The following SNRPA1 variants were observed in gnomAD, a reference collection of about 807,000 sequenced individuals.
SNRPA1 encodes the protein small nuclear ribonucleoprotein polypeptide A', also known as U2 small nuclear ribonucleoprotein A'.
SNRPA1 carries 5 observed loss-of-function variants against 32.3 expected under a neutral mutation model. That is an observed-to-expected ratio of 0.15 (90% confidence interval 0.08 to 0.33). The LOEUF (loss-of-function observed/expected upper bound fraction) is 0.33. Ranked by LOEUF, SNRPA1 falls within the 10% of genes least tolerant of loss-of-function variation. The pLI is 1.00. For missense variants in SNRPA1, 198 were observed against 311.1 expected, an observed-to-expected ratio of 0.64 and a Z score of 2.74; for synonymous variants, 111 against 120.1, an observed-to-expected ratio of 0.92 and a Z score of 0.50.
At chr15:101,287,244 T>G (rs1430675702) in intron 4 of SNRPA1, among the ~76,000 whole-genome samples, 1 of 152,234 alleles carries the variant, frequency 6.6e-6, no homozygotes, top group East Asian at 1.9e-4. Flanking sequence ...TGCAGGTTTG[T>G]TACATATGTA....
At chr15:101,286,066 T>C (rs751805276) in intron 6 of SNRPA1, 148 bp downstream of exon 6, 8 of 687,008 alleles carry the variant, frequency 1.2e-5, no homozygotes, top group African/African-American at 7.2e-5. Flanking sequence ...GTGTGGACCA[T>C]TGATGTACAT....
intron 2 of SNRPA1, among the ~76,000 whole-genome samples, 188 bp from the exon 3 acceptor site, chr15:101,292,228 GA>G (rs2039533745): frequency 6.6e-6 from 1 of 152,222 alleles, no homozygotes; most frequent in African/African-American, 2.4e-5. Context: ...TGGGATTTTA[GA>G]CACTGCCTGG....
At chr15:101,281,906 CAGCACCTGCCTTTGAGG>C (rs1232234553) in intron 8 of SNRPA1, 124 bp from the exon 9 acceptor site, 1 of 869,644 alleles carries the variant, frequency 1.1e-6, no homozygotes, top group African/African-American at 1.7e-5. Context: ...AGATCAAAAG[CAGCACCTGCCTTTGAGG>C]AGCTTATCGT....
At chr15:101,288,759 G>A (rs2039485552) in intron 3 of SNRPA1, among the ~76,000 whole-genome samples, 1 of 152,204 alleles carries the variant, frequency 6.6e-6, no homozygotes, top group Non-Finnish European at 1.5e-5. Flanking sequence ...AGAAGCAGAG[G>A]GGAGGCGAGG....
At chr15:101,292,296 G>A (rs553181380) in intron 2 of SNRPA1, among the ~76,000 whole-genome samples, 80 of 152,234 alleles carry the variant, frequency 5.3e-4, no homozygotes, top group African/African-American at 1.8e-3. Context: ...CAACTCCTGG[G>A]TGGCACAAAC....
chr15:101,295,175 C>G lies in SNRPA1; in HGVS notation c.4G>C (p.Val2Leu). ...TCGATCAGCTCCGCCGTCAGCTTGA[C>G]CATCCTGCAGCCTCCCGTTCCCCCG... is the stretch of plus-strand genomic sequence containing the variant. M[V>L]KLTAELIEQA... is the part of the protein sequence containing the mutation. The change falls in exon 1 of 9, where the codon GTC (valine) becomes CTC (leucine). Residue 2 changes from valine to leucine, a missense_variant. Physicochemically the swap from Val to Leu is conservative, Grantham distance 32. Around this residue, in one of 3 missense-constraint regions of SNRPA1, gnomAD observed 119 missense variants for 171.6 expected, o/e 0.69. Transcript: ENST00000254193. 1 of 1,552,454 alleles carries G rather than the reference C, an allele frequency of 6.4e-7. No homozygotes were observed. The highest frequency in any genetic ancestry group is 2.6e-5 in the East Asian group (1 of 38,572).
intron 8 of SNRPA1, among the ~76,000 whole-genome samples, chr15:101,282,077 T>G (rs868593841): frequency 2.8e-4 from 43 of 152,272 alleles, no homozygotes; most frequent in Admixed American, 2.6e-4. Context: ...CCTATACTCA[T>G]GTGCTTTTCA....
At chr15:101,285,932 C>T in intron 6 of SNRPA1, 131 bp from the exon 7 acceptor site, 2 of 686,678 alleles carry the variant, frequency 2.9e-6, no homozygotes, top group South Asian at 1.8e-5. Flanking sequence ...GATACAAGAA[C>T]TCTCTCCTTC....
intron 2 of SNRPA1, chr15:101,292,715 T>A (rs4246330): frequency 0.35 from 62,811 of 179,442 alleles, 11,098 homozygotes; most frequent in Middle Eastern, 0.39. Context: ...CATGTTTTTA[T>A]TTAGAAACTT....
At chr15:101,287,046 T>C (rs1452936902) in intron 4 of SNRPA1, 36 bp from the exon 5 acceptor site, 1 of 1,138,816 alleles carries the variant, frequency 8.8e-7, no homozygotes, top group East Asian at 2.4e-5. Context: ...GCAAACTTGT[T>C]CATGGCACAG....
At chr15:101,287,921 C>T (rs2039473909) in intron 3 of SNRPA1, 3 of 493,672 alleles carry the variant, frequency 6.1e-6, no homozygotes, top group Non-Finnish European at 1.1e-5. Flanking sequence ...GCTTCTGTCT[C>T]AATAGCAGGA....
intron 3 of SNRPA1, 29 bp from the exon 4 acceptor site, chr15:101,287,731 G>A (rs753200788): frequency 6.9e-6 from 11 of 1,603,892 alleles, no homozygotes; most frequent in East Asian, 4.5e-5. Flanking sequence ...AGGTAAGAAC[G>A]CGAATACCAC....
intron 1 of SNRPA1, 164 bp downstream of exon 1, chr15:101,294,933 C>A: frequency 4.2e-6 from 2 of 479,638 alleles, no homozygotes; most frequent in Admixed American, 8.6e-5. Flanking sequence ...GCTCATCTGG[C>A]AACAACGGCA....
At chr15:101,285,896 T>C (rs2039449933) in intron 6 of SNRPA1, 95 bp from the exon 7 acceptor site, 2 of 890,010 alleles carry the variant, frequency 2.2e-6, no homozygotes, top group African/African-American at 1.7e-5. Flanking sequence ...TCAACCAGTG[T>C]AGTATCTTAT....
At chr15:101,292,089 C>A in intron 2 of SNRPA1, 49 bp from the exon 3 acceptor site, 1 of 1,219,658 alleles carries the variant, frequency 8.2e-7, no homozygotes, top group Non-Finnish European at 1.2e-6. Context: ...AATAAGCTAA[C>A]AATTTTATCT....
At chr15:101,288,244 A>ATTTTTTTTTTTTTTT in intron 3 of SNRPA1, 1 of 131,490 alleles carries the variant, frequency 7.6e-6, no homozygotes, top group African/African-American at 3.0e-5. Context: ...AGGCAGGGTG[A>ATTTTTTTTTTTTTTT]TTTTTTTTTT....
chr15:101,290,464 G>C (rs754676907), intron 3 of SNRPA1, among the ~76,000 whole-genome samples: 1 of 152,020 alleles, frequency 6.6e-6, no homozygotes, highest in Non-Finnish European at 1.5e-5. Flanking sequence ...GCATCTCCTT[G>C]AGAATCTGAA....
At chr15:101,287,563 T>G (rs1567125131) in intron 4 of SNRPA1, 93 bp downstream of exon 4, 10 of 1,108,616 alleles carry the variant, frequency 9.0e-6, no homozygotes, top group Non-Finnish European at 1.4e-5. Context: ...ATGTGCCACA[T>G]TTTTTAATTA....
chr15:101,283,077 C>T (rs1358498105), intron 8 of SNRPA1, among the ~76,000 whole-genome samples: 1 of 152,182 alleles, frequency 6.6e-6, no homozygotes, highest in African/African-American at 2.4e-5. Flanking sequence ...GCATCCAGGA[C>T]ACTCTTAAGT....
Sources: gnomAD v4.1 joint callset for allele counts (sites outside exome capture counted in the v4.1 genomes callset) on GRCh38, gnomAD v4.1.1 for gene constraint, gnomAD v4.1.1 regional missense constraint, MANE v1.5 for transcripts, NCBI Gene and HGNC (gene_info 2026-07-23, HGNC 2026-07-21) for gene names.